The following NR6A1 variants were observed in gnomAD, a reference collection of about 807,000 sequenced individuals.
NR6A1 encodes the protein nuclear receptor subfamily 6 group A member 1.
Under a neutral mutation model 59.1 loss-of-function variants are expected in NR6A1, and 7 were observed. The ratio of observed to expected loss-of-function variants is 0.12; its 90% CI spans 0.07 to 0.22. The LOEUF is 0.22. Ranked by LOEUF, NR6A1 falls within the 10% of genes least tolerant of loss-of-function variation. The probability of loss-of-function intolerance (pLI) is 1.00; values close to 1 mark genes in which losing one functional copy is unlikely to be tolerated. For synonymous variants in NR6A1, 243 were observed against 236.1 expected, an observed-to-expected ratio of 1.03 and a Z score of -0.27; for missense variants, 468 against 611.6, an observed-to-expected ratio of 0.77 and a Z score of 2.48.
At chr9:124,734,519 C>T (rs1839968560) in intron 1 of NR6A1, among the ~76,000 whole-genome samples, 1 of 152,102 alleles carries the variant, frequency 6.6e-6, no homozygotes, top group Non-Finnish European at 1.5e-5. Flanking sequence ...AGGGTGAAAC[C>T]CTGTCTCTAT....
chr9:124,657,741 T>TCCC lies in NR6A1; in HGVS notation c.142+75564_142+75566dup, dbSNP rs145154858. On this transcript the variant is annotated intron_variant, in intron 2 of 9. Coordinates refer to ENST00000487099, the MANE Select transcript of NR6A1 (RefSeq NM_033334.4). ...CAGTAGGGTCCATGCTTTCATAGCTTCCCCCCCCCAGCAACCCCTAATGTG... is the reference window on the plus strand; with the variant it reads ...CAGTAGGGTCCATGCTTTCATAGCTTCCCCCCCCCCCCAGCAACCCCTAATGTG... Among the ~76,000 whole-genome samples the TCCC allele has an allele frequency of 4.5e-4, 68 of 149,722 alleles. No homozygotes were observed. The South Asian group carries it at 0.014, about 31-fold the overall frequency.
At chr9:124,705,930 C>T (rs1839120002) in intron 2 of NR6A1, among the ~76,000 whole-genome samples, 1 of 152,066 alleles carries the variant, frequency 6.6e-6, no homozygotes, top group Admixed American at 6.5e-5. Context: ...TGCTCGTGAC[C>T]ATGCCCGTCT....
At position 124,727,940 on chromosome 9, in the gene NR6A1, C is replaced by G. The variant is rs147387215; in HGVS notation, c.142+5368G>C. ...CCTCATGATCTGCCCACCTCAGCCT[C>G]CCACAGTACTAGGATTACAGGTATG... On this transcript the variant is annotated intron_variant, in intron 2 of 9. Coordinates refer to ENST00000487099, the MANE Select transcript of NR6A1 (RefSeq NM_033334.4). 1.8e-3 allele frequency among the ~76,000 whole-genome samples: 281 copies of G among 152,146 alleles called. 2 individuals carry two copies. Among genetic ancestry groups the G allele is most frequent in the African/African-American group, 6.7e-3 (277 of 41,502 alleles).
At chr9:124,746,542 T>C (rs921884049) in intron 1 of NR6A1, among the ~76,000 whole-genome samples, 2 of 151,966 alleles carry the variant, frequency 1.3e-5, no homozygotes, top group South Asian at 2.1e-4. Flanking sequence ...TGAGCCAAGA[T>C]TGCCTACTGC....
chr9:124,659,974 G>A (rs1025649400), intron 2 of NR6A1, among the ~76,000 whole-genome samples: 1 of 152,140 alleles, frequency 6.6e-6, no homozygotes, highest in African/African-American at 2.4e-5. Flanking sequence ...TGGACTTTGG[G>A]AGAAAAATGC....
chr9:124,550,235 T>C (rs1833731294), intron 3 of NR6A1, among the ~76,000 whole-genome samples: 1 of 152,206 alleles, frequency 6.6e-6, no homozygotes, highest in Non-Finnish European at 1.5e-5. Flanking sequence ...CTAAATAAAC[T>C]TACTATTTTT....
chr9:124,678,317 G>A (rs543927890), intron 2 of NR6A1, among the ~76,000 whole-genome samples: 4 of 152,208 alleles, frequency 2.6e-5, no homozygotes, highest in South Asian at 2.1e-4. Context: ...TTGGAGTAAC[G>A]TCCTAAGTCT....
rs145954426 is a variant in NR6A1 at position 124,552,266 on chromosome 9, C to A, written c.385+2062G>T. On this transcript the variant is annotated intron_variant, in intron 3 of 9. Transcript: ENST00000487099. ...GGCCAAAACCAAAACAGGGTGAGGGCAGGAAGTTGACAGACTCTTCAGACA... is the reference window on the plus strand; with the variant it reads ...GGCCAAAACCAAAACAGGGTGAGGGAAGGAAGTTGACAGACTCTTCAGACA... Among the ~76,000 whole-genome samples, 456 of 152,208 alleles carry A rather than the reference C, an allele frequency of 3.0e-3. 3 individuals carry two copies. Among genetic ancestry groups the A allele is most frequent in the African/African-American group, 0.01 (423 of 41,518 alleles).
chr9:124,711,011 TG>T (rs1175675836), intron 2 of NR6A1, among the ~76,000 whole-genome samples: 1 of 152,126 alleles, frequency 6.6e-6, no homozygotes, highest in African/African-American at 2.4e-5. Flanking sequence ...AATTAAATCT[TG>T]ACATGCATAT....
At chr9:124,690,170 C>T (rs1056798784) in intron 2 of NR6A1, among the ~76,000 whole-genome samples, 4 of 152,148 alleles carry the variant, frequency 2.6e-5, no homozygotes, top group African/African-American at 7.2e-5. Flanking sequence ...CCTAGGCAGA[C>T]GGCACCTGAG....
intron 4 of NR6A1, 102 bp downstream of exon 4, chr9:124,543,700 T>C: frequency 1.3e-6 from 1 of 784,502 alleles, no homozygotes; most frequent in Non-Finnish European, 2.0e-6. Flanking sequence ...CAAAGATGGC[T>C]CTCCTCAGCA....
intron 2 of NR6A1, among the ~76,000 whole-genome samples, chr9:124,712,430 G>A (rs377106015): frequency 1.9e-3 from 285 of 152,100 alleles, no homozygotes; most frequent in African/African-American, 5.9e-3. Flanking sequence ...TCAACAGGGC[G>A]AAACCCCTTC....
chr9:124,710,879 A>G (rs1839259256), intron 2 of NR6A1, among the ~76,000 whole-genome samples: 1 of 152,076 alleles, frequency 6.6e-6, no homozygotes, highest in African/African-American at 2.4e-5. Flanking sequence ...AATTGCTGCT[A>G]TTTTTGCTTT....
intron 3 of NR6A1, among the ~76,000 whole-genome samples, chr9:124,551,388 C>T (rs1022149631): frequency 6.6e-6 from 1 of 152,168 alleles, no homozygotes; most frequent in African/African-American, 2.4e-5. Context: ...TGGCCTTCTC[C>T]TTTGCTGATT....
intron 8 of NR6A1, among the ~76,000 whole-genome samples, chr9:124,525,335 T>G (rs182234124): frequency 8.0e-6 from 1 of 125,262 alleles, no homozygotes; most frequent in African/African-American, 3.3e-5. Context: ...CACCCTCCTA[T>G]GCGCTTCTGT....
chr9:124,633,232 G>A (rs1037137707), intron 2 of NR6A1, among the ~76,000 whole-genome samples: 8 of 151,602 alleles, frequency 5.3e-5, no homozygotes, highest in Non-Finnish European at 8.8e-5. Context: ...GTGAAACCCC[G>A]TCTCTACTAA....
At chr9:124,656,886 G>C (rs1478497465) in intron 2 of NR6A1, among the ~76,000 whole-genome samples, 3 of 152,112 alleles carry the variant, frequency 2.0e-5, no homozygotes, top group East Asian at 3.9e-4. Context: ...TTGTCCCCAG[G>C]GCCTGGGGGA....
chr9:124,740,712 T>TA (rs1163047209), intron 1 of NR6A1, among the ~76,000 whole-genome samples: 4 of 152,174 alleles, frequency 2.6e-5, no homozygotes, highest in Non-Finnish European at 5.9e-5. Context: ...TTTCTATTGA[T>TA]ATACAACAGT....
intron 2 of NR6A1, among the ~76,000 whole-genome samples, chr9:124,667,124 C>T (rs187700857): frequency 1.3e-5 from 2 of 151,706 alleles, no homozygotes; most frequent in African/African-American, 4.8e-5. Flanking sequence ...CAACCTCTGC[C>T]TCCTGGGTTC....
Sources: allele counts gnomAD v4.1 joint callset (sites outside exome capture counted in the v4.1 genomes callset), GRCh38; gene constraint gnomAD v4.1.1; transcripts MANE v1.5; gene names NCBI Gene and HGNC (gene_info 2026-07-23, HGNC 2026-07-21).